The following USP32 variants were observed in gnomAD, a reference collection of about 807,000 sequenced individuals.
The protein encoded by USP32 is ubiquitin specific peptidase 32.
USP32 carries 59 observed loss-of-function variants against 204.8 expected under a neutral mutation model. That is an observed-to-expected ratio of 0.29 (90% CI 0.23 to 0.36). The LOEUF is 0.36. Ranked by LOEUF, USP32 falls within the 10% of genes least tolerant of loss-of-function variation. The pLI, the probability that USP32 is intolerant of heterozygous loss-of-function variation, is 1.00. For missense variants in USP32, 1,160 were observed against 1,946.4 expected, an observed-to-expected ratio of 0.60 and a Z score of 7.60; for synonymous variants, 517 against 678.4, an observed-to-expected ratio of 0.76 and a Z score of 3.70.
At chr17:60,227,083 A>G (rs991239737) in intron 12 of USP32, among the ~76,000 whole-genome samples, 17 of 151,136 alleles carry the variant, frequency 1.1e-4, no homozygotes, top group Admixed American at 9.9e-4. Flanking sequence ...CTTTCACCAA[A>G]CATTGTATTG....
intron 1 of USP32, among the ~76,000 whole-genome samples, chr17:60,363,609 C>T (rs980497411): frequency 1.3e-5 from 2 of 151,710 alleles, no homozygotes; most frequent in African/African-American, 4.8e-5. Flanking sequence ...CTCTCACCCT[C>T]CTTAGTAGCT....
At chr17:60,194,940 C>A (rs1276314896) in intron 27 of USP32, among the ~76,000 whole-genome samples, 2 of 152,156 alleles carry the variant, frequency 1.3e-5, no homozygotes, top group South Asian at 2.1e-4. Context: ...GGATTTTGTC[C>A]ATTTAATCTA....
chr17:60,381,585 C>T (rs868127041), intron 1 of USP32, among the ~76,000 whole-genome samples: 20 of 152,256 alleles, frequency 1.3e-4, no homozygotes, highest in African/African-American at 4.1e-4. Flanking sequence ...GTGGAAGGTA[C>T]GTATGCCCTA....
intron 14 of USP32, among the ~76,000 whole-genome samples, chr17:60,222,757 C>T (rs1484156444): frequency 6.8e-6 from 1 of 147,134 alleles, no homozygotes; most frequent in African/African-American, 2.5e-5. Context: ...TCTTCGCTTG[C>T]TGCAGCCTCC....
intron 1 of USP32, among the ~76,000 whole-genome samples, chr17:60,358,675 C>T (rs1250375916): frequency 2.0e-5 from 3 of 152,048 alleles, no homozygotes; most frequent in African/African-American, 7.2e-5. Flanking sequence ...TTTTTAACAT[C>T]TAAAAATGAG....
At chr17:60,252,535 A>G in intron 10 of USP32, 93 bp from the exon 11 acceptor site, 2 of 932,598 alleles carry the variant, frequency 2.1e-6, no homozygotes, top group South Asian at 3.5e-5. Flanking sequence ...AATCTGAATT[A>G]GCAACAGTTT....
intron 1 of USP32, chr17:60,422,055 A>G: frequency 1.5e-6 from 1 of 674,634 alleles, no homozygotes; most frequent in Non-Finnish European, 1.8e-6. Flanking sequence ...TATTATTAAC[A>G]ACTTCCTGGA....
chr17:60,392,422 C>G (rs373374469), upstream of USP32: 14 of 246,854 alleles, frequency 5.7e-5, no homozygotes, highest in African/African-American at 1.9e-4. Flanking sequence ...GCCGCGCGCC[C>G]CGCCCGGGCG....
At chr17:60,213,223 C>T (rs2085017898) in intron 18 of USP32, among the ~76,000 whole-genome samples, 1 of 152,294 alleles carries the variant, frequency 6.6e-6, no homozygotes, top group East Asian at 1.9e-4. Flanking sequence ...GCCTGTGCTA[C>T]TAACTATGCA....
intron 1 of USP32, among the ~76,000 whole-genome samples, chr17:60,414,629 A>G (rs1028604326): frequency 3.3e-5 from 5 of 151,410 alleles, no homozygotes; most frequent in Non-Finnish European, 7.4e-5. Flanking sequence ...GGGTTTTGCC[A>G]TGTTGGTCAG....
At chr17:60,297,160 T>C (rs1440757605) in intron 3 of USP32, among the ~76,000 whole-genome samples, 1 of 152,122 alleles carries the variant, frequency 6.6e-6, no homozygotes, top group Non-Finnish European at 1.5e-5. Context: ...CACCTTGGGA[T>C]GCCAAGACGA....
chr17:60,219,602 G>A (rs529015012), intron 16 of USP32, 68 bp downstream of exon 16: 93 of 573,888 alleles, frequency 1.6e-4, no homozygotes, highest in Non-Finnish European at 2.2e-4. Context: ...GAAATGCATG[G>A]TATTCTTGCT....
At chr17:60,350,591 G>A (rs1033928955) in intron 1 of USP32, among the ~76,000 whole-genome samples, 2 of 152,086 alleles carry the variant, frequency 1.3e-5, no homozygotes, top group African/African-American at 4.8e-5. Flanking sequence ...GCCCGGCCCA[G>A]GTGTGGTAAA....
intron 1 of USP32, among the ~76,000 whole-genome samples, chr17:60,349,003 G>A (rs1290320557): frequency 6.6e-6 from 1 of 151,982 alleles, no homozygotes; most frequent in Non-Finnish European, 1.5e-5. Context: ...TGCGGAATAT[G>A]TATTTCTTCA....
intron 3 of USP32, among the ~76,000 whole-genome samples, chr17:60,300,702 C>T (rs914519044): frequency 1.2e-4 from 18 of 152,130 alleles, no homozygotes; most frequent in African/African-American, 4.3e-4. Context: ...ATTCACATCC[C>T]ATAAAATTCA....
At chr17:60,281,971 G>A (rs1351795294) in intron 5 of USP32, among the ~76,000 whole-genome samples, 1 of 152,144 alleles carries the variant, frequency 6.6e-6, no homozygotes, top group Non-Finnish European at 1.5e-5. Flanking sequence ...TAGACTTACG[G>A]CTGACTTGTT....
intron 30 of USP32, 107 bp downstream of exon 30, chr17:60,185,353 C>T (rs2084223889): frequency 1.5e-6 from 2 of 1,331,880 alleles, no homozygotes; most frequent in Non-Finnish European, 2.0e-6. Context: ...TTAAACACTG[C>T]TGCAGGAAAG....
intron 2 of USP32, among the ~76,000 whole-genome samples, chr17:60,321,363 T>C (rs1340169273): frequency 6.6e-6 from 1 of 152,202 alleles, no homozygotes; most frequent in Admixed American, 6.6e-5. Context: ...TGGTGGGAAC[T>C]GATGCCCTGA....
chr17:60,389,415 C>T (rs907718664), intron 1 of USP32, among the ~76,000 whole-genome samples: 13 of 151,894 alleles, frequency 8.6e-5, no homozygotes, highest in African/African-American at 2.9e-4. Flanking sequence ...TGGTGGCATG[C>T]GCCTGTAGTC....
Sources: gnomAD v4.1 joint callset for allele counts (sites outside exome capture counted in the v4.1 genomes callset) on GRCh38, gnomAD v4.1.1 for gene constraint, MANE v1.5 for transcripts, NCBI Gene and HGNC (gene_info 2026-07-23, HGNC 2026-07-21) for gene names.